PLA2G4E: variants seen among roughly 807,000 people sequenced by gnomAD.
PLA2G4E encodes cytosolic phospholipase A2 epsilon.
In PLA2G4E, 84 loss-of-function variants were observed where a neutral mutation model predicts 109.1. The ratio of observed to expected loss-of-function variants is 0.77; its 90% confidence interval spans 0.65 to 0.92. The LOEUF (loss-of-function observed/expected upper bound fraction) is 0.92. Among genes scored for constraint, PLA2G4E ranks in the 40% least tolerant of loss-of-function variants. PLA2G4E has a pLI of 0.00. For synonymous variants in PLA2G4E, 469 were observed against 436.1 expected (o/e 1.08, Z -0.94); for missense variants, 1,057 against 1,076.6 (o/e 0.98, Z 0.25).
In PLA2G4E at chr15:42,006,147, C is replaced by A. The variant is rs752782197; in HGVS notation, c.394-26G>T. The A allele has an allele frequency of 3.1e-6, 5 of 1,612,364 alleles. No individual in the cohort carries two copies. In the East Asian group the frequency reaches 8.9e-5, roughly 29 times the overall value. On this transcript the variant is annotated intron_variant, in intron 3 of 19. Coordinates refer to ENST00000399518, the Ensembl canonical transcript of PLA2G4E. ...CTAGGGGAGAAGGAAGGATGCCAGT[C>A]TGGTTACCACGGTTGCATTGACCCC... is the stretch of plus-strand genomic sequence containing the variant.
intron 18 of PLA2G4E, among the ~76,000 whole-genome samples, chr15:41,984,838 A>C (rs1453554848): frequency 1.3e-5 from 2 of 152,196 alleles, no homozygotes; most frequent in Non-Finnish European, 2.9e-5. Context: ...TCCCCAAGTA[A>C]AATGGACAAA....
chr15:41,983,548 T>C, exon 20 of PLA2G4E: 1 of 591,068 alleles, frequency 1.7e-6, no homozygotes, highest in Non-Finnish European at 3.0e-6. Flanking sequence ...CTAGTGGGTA[T>C]AAAACCCCAA....
intron 1 of PLA2G4E, among the ~76,000 whole-genome samples, chr15:42,040,418 C>T (rs7172971): frequency 0.11 from 17,367 of 152,186 alleles, 1,194 homozygotes; most frequent in Middle Eastern, 0.16. Flanking sequence ...GGTTCCATAT[C>T]TCCTTGTATT....
intron 1 of PLA2G4E, among the ~76,000 whole-genome samples, chr15:42,022,325 C>T (rs1222501879): frequency 6.6e-6 from 1 of 152,120 alleles, no homozygotes; most frequent in Non-Finnish European, 1.5e-5. Flanking sequence ...TTTTTTAGTG[C>T]CAGGGACTGG....
Position 42,017,733 on chromosome 15 carries a change from C to G in PLA2G4E, c.184-3976G>C, listed in dbSNP as rs8041703. Among the ~76,000 whole-genome samples the G allele has an allele frequency of 6.5e-3, 987 of 152,338 alleles. 12 individuals carry two copies. The highest frequency in any genetic ancestry group is 0.023 in the African/African-American group (946 of 41,562). On this transcript the variant is annotated intron_variant, in intron 1 of 19. Coordinates refer to ENST00000399518, the Ensembl canonical transcript of PLA2G4E. Reference sequence around the variant, plus strand: ...GACAGATTCTTCTTTTCACTCAGCGCTCCCCCAAAGCCAAAAAATAACCAC... The same window carrying G: ...GACAGATTCTTCTTTTCACTCAGCGGTCCCCCAAAGCCAAAAAATAACCAC...
intron 8 of PLA2G4E, 50 bp from the exon 9 acceptor site, chr15:42,000,050 A>AC (rs945002353): frequency 6.4e-7 from 1 of 1,573,114 alleles, no homozygotes; most frequent in Non-Finnish European, 8.6e-7. Flanking sequence ...CTCCTCTGGC[A>AC]CCCCCCACCT....
chr15:42,001,323 G>T (rs539072350), intron 6 of PLA2G4E, 103 bp from the exon 7 acceptor site: 11 of 1,087,268 alleles, frequency 1.0e-5, no homozygotes, highest in African/African-American at 3.1e-5. Flanking sequence ...ATTCAGCATT[G>T]GTCTGACTGG....
In PLA2G4E at chr15:41,995,352, C is replaced by G. The variant is rs758350682; in HGVS notation, c.1247+8G>C. ...GGGCTCCACAGACAGTGGCTCATGT[C>G]TCCTTACCAGGTGGCCCCTGATAGA... On this transcript the variant is annotated splice_region_variant and intron_variant, in intron 12 of 19. Transcript: ENST00000399518. The G allele has an allele frequency of 1.2e-6, 2 of 1,612,322 alleles. No individual in the cohort carries two copies. Among genetic ancestry groups the G allele is most frequent in the South Asian group, 2.2e-5 (2 of 91,028 alleles).
intron 1 of PLA2G4E, 125 bp from the exon 2 acceptor site, chr15:42,013,882 GTTTTTTTTTTTTTTTTTTTT>G (rs10539531): frequency 8.0e-4 from 107 of 134,298 alleles, no homozygotes; most frequent in Admixed American, 6.5e-3. Context: ...CCCTAGGCTG[GTTTTTTTTTTTTTTTTTTTT>G]TTTTTTTTTA....
At chr15:42,047,483 G>T (rs931448461) in intron 1 of PLA2G4E, among the ~76,000 whole-genome samples, 1 of 152,126 alleles carries the variant, frequency 6.6e-6, no homozygotes, top group Non-Finnish European at 1.5e-5. Flanking sequence ...CATCCATGAG[G>T]GCAGCAGCCT....
intron 2 of PLA2G4E, among the ~76,000 whole-genome samples, chr15:42,008,683 G>C (rs933611120): frequency 1.3e-5 from 2 of 152,182 alleles, no homozygotes; most frequent in African/African-American, 4.8e-5. Context: ...TAGTAGCCCA[G>C]ACTGGCTCCC....
chr15:42,002,844 C>T (rs2068436231), intron 5 of PLA2G4E, 148 bp from the exon 6 acceptor site: 1 of 769,840 alleles, frequency 1.3e-6, no homozygotes, highest in Non-Finnish European at 2.1e-6. Flanking sequence ...AAACCTTAGC[C>T]TTATAGGTTG....
At position 41,990,149 on chromosome 15, in the gene PLA2G4E, C is replaced by G. The variant is rs751281433; in HGVS notation, c.1557G>C (p.Lys519Asn). Residue 519 changes from lysine to asparagine, a missense_variant, in exon 14 of 20, where the codon AAG (lysine) becomes AAC (asparagine). Physicochemically the swap from Lys to Asn is moderately conservative, Grantham distance 94 (BLOSUM62 0). Transcript: ENST00000399518. ...TGAAGTCCTGGTTGCTTACATCATC[C>G]TTGACATTGATGGTGAGGTAGATGG... is the stretch of plus-strand genomic sequence containing the variant. 1 of 1,613,380 alleles carries G rather than the reference C, an allele frequency of 6.2e-7. No individual in the cohort carries two copies. The highest frequency in any genetic ancestry group is 8.5e-7 in the Non-Finnish European group (1 of 1,179,796).
chr15:42,008,427 T>C (rs181633847), intron 2 of PLA2G4E, among the ~76,000 whole-genome samples: 22 of 152,346 alleles, frequency 1.4e-4, no homozygotes, highest in Admixed American at 3.3e-4. Flanking sequence ...TATGGCTTAA[T>C]GCCTCCACTG....
At chr15:42,017,232 A>G (rs752200619) in intron 1 of PLA2G4E, among the ~76,000 whole-genome samples, 2 of 152,188 alleles carry the variant, frequency 1.3e-5, no homozygotes, top group Non-Finnish European at 2.9e-5. Context: ...CCTGTGGCCC[A>G]GCCTGCCTCC....
chr15:42,028,384 C>CT (rs2068710933), intron 1 of PLA2G4E, among the ~76,000 whole-genome samples: 3 of 25,726 alleles, frequency 1.2e-4, no homozygotes, highest in African/African-American at 2.1e-4. Context: ...TATTTATTTA[C>CT]TTATTTATTT....
intron 12 of PLA2G4E, among the ~76,000 whole-genome samples, 154 bp downstream of exon 12, chr15:41,995,206 A>G (rs907622175): frequency 6.6e-6 from 1 of 152,262 alleles, no homozygotes; most frequent in African/African-American, 2.4e-5. Flanking sequence ...GTCAAGCTGC[A>G]TGCCCAAGGC....
At chr15:41,982,980 T>C (rs2068083165) in exon 20 of PLA2G4E, 1 of 152,344 alleles carries the variant, frequency 6.6e-6, no homozygotes. Flanking sequence ...TGAAATATAA[T>C]TGCCTATAAA....
At chr15:41,994,919 G>A (rs561834031) in intron 12 of PLA2G4E, among the ~76,000 whole-genome samples, 275 of 152,364 alleles carry the variant, frequency 1.8e-3, no homozygotes, top group African/African-American at 6.3e-3. Flanking sequence ...CCTCCCTGTG[G>A]GGGAACCCAG....
Sources: gnomAD v4.1 joint callset for allele counts (sites outside exome capture counted in the v4.1 genomes callset) on GRCh38, gnomAD v4.1.1 for gene constraint, MANE v1.5 for transcripts, NCBI Gene and HGNC (gene_info 2026-07-23, HGNC 2026-07-21) for gene names.